The following USP34 variants were observed in gnomAD, a reference collection of about 807,000 sequenced individuals.
USP34 encodes the protein ubiquitin specific peptidase 34, also known as ubiquitin carboxyl-terminal hydrolase 34.
Under a neutral mutation model 460.3 loss-of-function variants are expected in USP34, and 70 were observed. The ratio of observed to expected loss-of-function variants is 0.15; its 90% CI spans 0.13 to 0.19. The LOEUF (loss-of-function observed/expected upper bound fraction) is 0.19, where lower values mean the gene tolerates loss of function less well. USP34 is among the 10% of genes least tolerant of loss of function. The pLI is 1.00. For synonymous variants in USP34, 1,647 were observed against 1,405.3 expected (o/e 1.17, Z -3.85); for missense variants, 3,985 against 4,236.2 (o/e 0.94, Z 1.65).
At chr2:61,291,741 C>G (rs1250641522) in intron 33 of USP34, among the ~76,000 whole-genome samples, 1 of 152,146 alleles carries the variant, frequency 6.6e-6, no homozygotes, top group Admixed American at 6.5e-5. Context: ...GCAAGGTATA[C>G]CACTCCTAAG....
In USP34 at chr2:61,325,395, A is replaced by G. The variant is rs770553410; in HGVS notation, c.2993T>C (p.Leu998Pro). 6.4e-7 allele frequency: 1 copy of G among 1,559,546 alleles called. No homozygotes were observed. Among genetic ancestry groups the G allele is most frequent in the Non-Finnish European group, 8.6e-7 (1 of 1,161,192 alleles). ...LQFLTCVFST[L>P]GSPDHFRLSL... ...CTTACTGAAATGATCAGGTGATCCC[A>G]GAGTTGAAAATACACAAGTCAAGAA... Residue 998 changes from leucine to proline, a missense_variant, in exon 21 of 80, where the codon CTG becomes CCG. By Grantham distance (98) the Leu-to-Pro change is moderately conservative. Coordinates refer to ENST00000398571, the MANE Select transcript of USP34 (RefSeq NM_014709.4).
At chr2:61,219,114 G>C (rs774116537) in intron 67 of USP34, among the ~76,000 whole-genome samples, 28 of 152,142 alleles carry the variant, frequency 1.8e-4, no homozygotes, top group Non-Finnish European at 3.1e-4. Flanking sequence ...ATGGACTCAT[G>C]AATATTTATT....
At chr2:61,344,957 T>C (rs1179564625) in intron 15 of USP34, among the ~76,000 whole-genome samples, 2 of 152,090 alleles carry the variant, frequency 1.3e-5, no homozygotes, top group Non-Finnish European at 2.9e-5. Context: ...AGCATTGCTA[T>C]ACATTCAAAT....
chr2:61,260,793 CA>C (rs1256585658), intron 43 of USP34, among the ~76,000 whole-genome samples: 2 of 151,872 alleles, frequency 1.3e-5, no homozygotes, highest in Non-Finnish European at 2.9e-5. Context: ...ATTCAGGATA[CA>C]AAAAAGTTCA....
rs377097807 is a variant in USP34 at position 61,303,341 on chromosome 2, C to T, written c.3818-1887G>A. On this transcript the variant is annotated intron_variant, in intron 27 of 79. Coordinates refer to ENST00000398571, the MANE Select transcript of USP34 (RefSeq NM_014709.4). ...TCGGCCCCCCAAAGTGCTGGGATTACAGCCATGAGCCACCACGGCCCAGCC... is the reference window on the plus strand; with the variant it reads ...TCGGCCCCCCAAAGTGCTGGGATTATAGCCATGAGCCACCACGGCCCAGCC... Among the ~76,000 whole-genome samples, 88 of 152,278 alleles carry T rather than the reference C, an allele frequency of 5.8e-4. 1 individual carries two copies. In the East Asian group the frequency reaches 0.013, roughly 23 times the overall value.
At chr2:61,221,444 T>A in intron 66 of USP34, 58 bp downstream of exon 66, 1 of 1,455,750 alleles carries the variant, frequency 6.9e-7, no homozygotes, top group Non-Finnish European at 9.4e-7. Context: ...AGTGACTATA[T>A]TATAAAAATA....
At chr2:61,306,792 G>T (rs557989865) in intron 27 of USP34, among the ~76,000 whole-genome samples, 3 of 152,078 alleles carry the variant, frequency 2.0e-5, no homozygotes, top group African/African-American at 4.8e-5. Flanking sequence ...TTAGAATGGC[G>T]ATCATTAAAA....
rs566958992 is a variant in USP34, at chr2:61,281,343, C to A, written c.4999-101G>T. On this transcript the variant is annotated intron_variant, in intron 37 of 79. Coordinates refer to ENST00000398571, the MANE Select transcript of USP34 (RefSeq NM_014709.4). ...GGTGATTTTAAATACAATGTTCTGC[C>A]GGGCAAGCCTGTAATCCCAGCACTT... 27 of 1,393,366 alleles carry A rather than the reference C, an allele frequency of 1.9e-5. 1 individual carries two copies. In the South Asian group the frequency reaches 4.0e-4, roughly 21 times the overall value. The allele number at this position is 1,393,366 out of a possible 1,614,324, so 86.3% of individuals were successfully genotyped here.
intron 19 of USP34, among the ~76,000 whole-genome samples, chr2:61,332,826 T>A (rs1294226915): frequency 1.3e-5 from 2 of 151,978 alleles, no homozygotes; most frequent in African/African-American, 4.8e-5. Context: ...TACTTCTAAA[T>A]AATAATAAAG....
At chr2:61,297,892 G>A (rs1008580446) in intron 29 of USP34, among the ~76,000 whole-genome samples, 3 of 152,084 alleles carry the variant, frequency 2.0e-5, no homozygotes, top group Non-Finnish European at 4.4e-5. Flanking sequence ...AGGTAAATTT[G>A]GTCTTTCACA....
intron 44 of USP34, among the ~76,000 whole-genome samples, 190 bp from the exon 45 acceptor site, chr2:61,257,540 T>G (rs1461672789): frequency 1.3e-5 from 2 of 152,206 alleles, no homozygotes; most frequent in African/African-American, 2.4e-5. Context: ...TGCTAGAAGA[T>G]TCTTAAATTA....
intron 65 of USP34, 32 bp from the exon 66 acceptor site, chr2:61,221,638 A>C: frequency 6.3e-7 from 1 of 1,592,528 alleles, no homozygotes; most frequent in Non-Finnish European, 8.6e-7. Context: ...GTGTATTTAG[A>C]TCAATCTGAA....
chr2:61,294,442 G>A (rs1049369894), intron 32 of USP34, among the ~76,000 whole-genome samples: 1 of 151,554 alleles, frequency 6.6e-6, no homozygotes, highest in African/African-American at 2.4e-5. Flanking sequence ...TGTCCTCACA[G>A]TATCTTTTTT....
chr2:61,376,510 C>G (rs1558558387), intron 8 of USP34, among the ~76,000 whole-genome samples: 1 of 152,200 alleles, frequency 6.6e-6, no homozygotes, highest in Non-Finnish European at 1.5e-5. Context: ...CAATTTTTGT[C>G]CTTTTCACAG....
intron 10 of USP34, among the ~76,000 whole-genome samples, chr2:61,368,248 A>G (rs1692498273): frequency 1.3e-5 from 2 of 152,204 alleles, no homozygotes; most frequent in Admixed American, 1.3e-4. Flanking sequence ...CTTGGCCAAC[A>G]TGGTGAAACC....
At chr2:61,258,942 T>C (rs1214399811) in intron 44 of USP34, among the ~76,000 whole-genome samples, 1 of 152,010 alleles carries the variant, frequency 6.6e-6, no homozygotes, top group Admixed American at 6.6e-5. Flanking sequence ...CTTTTAGAAG[T>C]TATTATGACA....
intron 1 of USP34, among the ~76,000 whole-genome samples, chr2:61,436,643 T>A (rs1207797964): frequency 6.6e-6 from 1 of 152,154 alleles, no homozygotes; most frequent in African/African-American, 2.4e-5. Flanking sequence ...CTAGACAGAA[T>A]ATAACAAAGA....
At chr2:61,355,364 CAT>C (rs1459443247) in intron 10 of USP34, among the ~76,000 whole-genome samples, 14 of 152,100 alleles carry the variant, frequency 9.2e-5, no homozygotes, top group Non-Finnish European at 4.4e-5. Flanking sequence ...TTATTTTCCA[CAT>C]GATTTAAAAA....
chr2:61,291,307 A>T (rs1689843692), intron 33 of USP34, among the ~76,000 whole-genome samples: 1 of 152,184 alleles, frequency 6.6e-6, no homozygotes, highest in South Asian at 2.1e-4. Context: ...AGTCTTGGAA[A>T]GGATGTGGAG....
Sources: gnomAD v4.1 joint callset for allele counts (sites outside exome capture counted in the v4.1 genomes callset) on GRCh38, gnomAD v4.1.1 for gene constraint, MANE v1.5 for transcripts, NCBI Gene and HGNC (gene_info 2026-07-23, HGNC 2026-07-21) for gene names.